Variants in VPS52 observed in about 807,000 individuals in gnomAD.
VPS52 encodes the protein VPS52 subunit of GARP complex, also known as vacuolar protein sorting-associated protein 52 homolog.
In VPS52, 56 loss-of-function variants were observed where a neutral mutation model predicts 98.7. The observed-to-expected ratio is 0.57, with a 90% confidence interval of 0.46 to 0.71. The LOEUF (loss-of-function observed/expected upper bound fraction) is 0.71. Among genes scored for constraint, VPS52 ranks in the 30% least tolerant of loss-of-function variants. The pLI is 0.00. For missense variants in VPS52, 742 were observed against 925.9 expected (o/e 0.80, Z 2.58); for synonymous variants, 348 against 346.4 (o/e 1.00, Z -0.05).
intron 17 of VPS52, among the ~76,000 whole-genome samples, chr6:33,260,900 T>C (rs1763549577): frequency 6.6e-6 from 1 of 151,888 alleles, no homozygotes; most frequent in Non-Finnish European, 1.5e-5. Context: ...ACTCAGAGGC[T>C]GAGGCAGGAG....
intron 17 of VPS52, among the ~76,000 whole-genome samples, chr6:33,261,426 C>T (rs1299007327): frequency 6.6e-6 from 1 of 150,876 alleles, no homozygotes; most frequent in East Asian, 1.9e-4. Flanking sequence ...AATACTGCAC[C>T]ACTGCACTCC....
Position 33,266,577 on chromosome 6 carries a change from G to C in VPS52, c.1261C>G (p.Arg421Gly), listed in dbSNP as rs77410165. 6.2e-7 allele frequency: 1 copy of C among 1,610,484 alleles called. No individual in the cohort carries two copies. Among genetic ancestry groups the C allele is most frequent in the Non-Finnish European group, 8.5e-7 (1 of 1,178,616 alleles). Residue 421 changes from arginine (R) to glycine (G), a missense_variant, in exon 12 of 20, where the codon CGT becomes GGT. Physicochemically the swap from Arg to Gly is moderately radical, Grantham distance 125 (BLOSUM62 -2). Transcript: ENST00000445902. The stretch of plus-strand genomic sequence containing the variant: ...CTTACCAGGGTCATGCTGAGTGTAC[G>C]GCCCATGACAGCATGGAACAGGTCG... Reference protein sequence around the residue: ...AHDLFHAVMGRTLSMTLKHLD... With the variant: ...AHDLFHAVMGGTLSMTLKHLD...
rs185306158 is a variant in VPS52 at position 33,269,256 on chromosome 6, C to G, written c.373-67G>C. On this transcript the variant is annotated intron_variant, in intron 5 of 19. Coordinates refer to ENST00000445902, the MANE Select transcript of VPS52 (RefSeq NM_022553.6). ...TAGGGGATAAGTGGGCCACCAAAGA[C>G]TCTTTGTGAAGTCTTCAGTATTTAT... is the stretch of plus-strand genomic sequence containing the variant. 735 of 1,591,148 alleles carry G rather than the reference C, an allele frequency of 4.6e-4. 4 individuals are homozygous for G. The African/African-American group carries it at 7.8e-3, about 17-fold the overall frequency.
At chr6:33,266,087 C>T (rs1764269157) in intron 12 of VPS52, among the ~76,000 whole-genome samples, 1 of 151,672 alleles carries the variant, frequency 6.6e-6, no homozygotes, top group Non-Finnish European at 1.5e-5. Flanking sequence ...GTCTCAAACT[C>T]CTGACCTTGT....
intron 12 of VPS52, among the ~76,000 whole-genome samples, chr6:33,266,214 C>T (rs1764292471): frequency 1.4e-5 from 2 of 146,388 alleles, no homozygotes; most frequent in Non-Finnish European, 3.0e-5. Context: ...GCATGGCTCA[C>T]TGCAGCCTTG....
At chr6:33,257,595 T>C (rs992933681) in intron 17 of VPS52, among the ~76,000 whole-genome samples, 15 of 151,872 alleles carry the variant, frequency 9.9e-5, no homozygotes, top group Non-Finnish European at 1.8e-4. Flanking sequence ...GAGACGAGGT[T>C]TCACCATGTT....
chr6:33,260,360 T>C (rs1763482855), intron 17 of VPS52, among the ~76,000 whole-genome samples: 1 of 152,084 alleles, frequency 6.6e-6, no homozygotes, highest in African/African-American at 2.4e-5. Context: ...CTGGCTTTTT[T>C]TTTTTTCTTT....
intron 19 of VPS52, 41 bp downstream of exon 19, chr6:33,251,474 TTAA>T (rs1377757372): frequency 1.8e-5 from 24 of 1,307,882 alleles, no homozygotes; most frequent in Non-Finnish European, 2.6e-5. Context: ...GGGAAAATAA[TTAA>T]TGATGGGGGA....
intron 17 of VPS52, among the ~76,000 whole-genome samples, chr6:33,260,670 C>A (rs1763523039): frequency 6.6e-6 from 1 of 151,750 alleles, no homozygotes; most frequent in African/African-American, 2.4e-5. Flanking sequence ...TATATATATG[C>A]CAAAACAAAA....
chr6:33,252,495 A>C (rs1762390373), intron 17 of VPS52, among the ~76,000 whole-genome samples: 1 of 151,580 alleles, frequency 6.6e-6, no homozygotes, highest in Non-Finnish European at 1.5e-5. Context: ...AGACTGAGGC[A>C]AGAGAATCAC....
chr6:33,268,526 T>C lies in VPS52; in HGVS notation c.672A>G (p.Arg224=), dbSNP rs947163037. ...TGACCCGGAGCCGATCGAGCACGCC[T>C]CTGACATCTGCGCAGGCTGCTGTGC... The part of the protein sequence containing the change: ...ARGTAACADV[R]GVLDRLRVKA... The change falls in exon 7 of 20, where the codon AGA becomes AGG. Residue 224 remains arginine (R), a synonymous_variant. Coordinates refer to ENST00000445902, the MANE Select transcript of VPS52 (RefSeq NM_022553.6). The surrounding 1 kb of genome is among the most constrained non-coding windows in gnomAD (Gnocchi z 4.0). 6.8e-6 allele frequency: 11 copies of C among 1,611,806 alleles called. No individual in the cohort carries two copies. Among genetic ancestry groups the C allele is most frequent in the Non-Finnish European group, 8.5e-6 (10 of 1,179,234 alleles).
At chr6:33,251,714 C>T in intron 18 of VPS52, 78 bp from the exon 19 acceptor site, 4 of 1,396,098 alleles carry the variant, frequency 2.9e-6, no homozygotes, top group Non-Finnish European at 3.0e-6. Flanking sequence ...AAGGTATAGC[C>T]ATCCTTATCA....
Position 33,269,547 on chromosome 6 carries a change from C to G in VPS52, c.315G>C (p.Glu105Asp). Reference protein sequence around the residue: ...EQKSIRDYIQESENIASLHNQ... With the variant: ...EQKSIRDYIQDSENIASLHNQ... ...TGTGTAGAGATGCTATATTCTCACTCTCTTGAATATCTGATCCACAAAAAG... is the reference window on the plus strand; with the variant it reads ...TGTGTAGAGATGCTATATTCTCACTGTCTTGAATATCTGATCCACAAAAAG... The change falls in exon 5 of 20, where the codon GAG becomes GAC. Residue 105 changes from glutamate to aspartate, a missense_variant. This residue lies in a region of VPS52 where 152 missense variants were observed against 132.6 expected (regional missense o/e 1.15). Coordinates refer to ENST00000445902, the MANE Select transcript of VPS52 (RefSeq NM_022553.6). 3.7e-6 allele frequency: 6 copies of G among 1,610,118 alleles called. No individual in the cohort carries two copies. The highest frequency in any genetic ancestry group is 1.7e-5 in the Admixed American group (1 of 59,162).
In VPS52 at chr6:33,268,573, C is replaced by T. The variant is rs1160686925; in HGVS notation, c.625G>A (p.Val209Ile). 6.2e-7 allele frequency: 1 copy of T among 1,612,488 alleles called. No individual in the cohort carries two copies. ...GTGCCTCTAGCTTCCTGCTCTCTGA[C>T]TGCGGCTGCCTTGGCATCCAGCTCC... ...LQELDAKAAA[V>I]REQEARGTAA... The change falls in exon 7 of 20, where the codon GTC (valine) becomes ATC (isoleucine). Residue 209 changes from valine to isoleucine, a missense_variant. Coordinates refer to ENST00000445902, the MANE Select transcript of VPS52 (RefSeq NM_022553.6). The surrounding 1 kb of genome is among the most constrained non-coding windows in gnomAD (Gnocchi z 4.0).
chr6:33,270,183 C>T lies in VPS52; in HGVS notation c.175+16G>A, dbSNP rs1764833778. ...TCAGATTACAGGTACTGCACCCACC[C>T]CATGCCATCGCTTACCATCCACTTC... On this transcript the variant is annotated intron_variant, in intron 2 of 19. Coordinates refer to ENST00000445902, the MANE Select transcript of VPS52 (RefSeq NM_022553.6). 6.2e-7 allele frequency: 1 copy of T among 1,612,260 alleles called. No homozygotes were observed. Among genetic ancestry groups the T allele is most frequent in the East Asian group, 2.2e-5 (1 of 44,814 alleles).
chr6:33,260,106 G>A (rs1450317660), intron 17 of VPS52, among the ~76,000 whole-genome samples: 2 of 152,184 alleles, frequency 1.3e-5, no homozygotes, highest in Admixed American at 6.5e-5. Flanking sequence ...GCAGTGAAAA[G>A]GAATGAGCTA....
chr6:33,263,414 C>CACACACACACATACACAG, intron 17 of VPS52, 70 bp downstream of exon 17: 1 of 968,814 alleles, frequency 1.0e-6, no homozygotes, highest in Non-Finnish European at 1.5e-6. Context: ...CACACACACA[C>CACACACACACATACACAG]AGAGAGAGAG....
rs1476210190 is a variant in VPS52, at chr6:33,263,465, C to T, written c.1794+19G>A. The T allele has an allele frequency of 6.2e-7, 1 of 1,611,822 alleles. No homozygotes were observed. On this transcript the variant is annotated intron_variant, in intron 17 of 19. Coordinates refer to ENST00000445902, the MANE Select transcript of VPS52 (RefSeq NM_022553.6). ...AACAGCACAGAAGGCTGTCTCTTCC[C>T]TTTTCCCCACACCCCTACCTGTGTC...
In VPS52 at chr6:33,268,946, A is replaced by C. The variant is rs1764665154; in HGVS notation, c.548+68T>G. 1.9e-6 allele frequency: 3 copies of C among 1,572,670 alleles called. No homozygotes were observed. The highest frequency in any genetic ancestry group is 2.6e-6 in the Non-Finnish European group (3 of 1,157,796). On this transcript the variant is annotated intron_variant, in intron 6 of 19. Coordinates refer to ENST00000445902, the MANE Select transcript of VPS52 (RefSeq NM_022553.6). The surrounding 1 kb of genome is among the most constrained non-coding windows in gnomAD (Gnocchi z 4.0). ...CTGGAGCCAGGAGACCCATATGGTAAATAGGGTGGGTCACCCCAGCCCATC... is the reference window on the plus strand; with the variant it reads ...CTGGAGCCAGGAGACCCATATGGTACATAGGGTGGGTCACCCCAGCCCATC...
Sources: allele counts gnomAD v4.1 joint callset (sites outside exome capture counted in the v4.1 genomes callset), GRCh38; gene constraint gnomAD v4.1.1; regional missense constraint gnomAD v4.1.1; non-coding constraint Gnocchi (gnomAD v3.1); transcripts MANE v1.5; gene names NCBI Gene and HGNC (gene_info 2026-07-23, HGNC 2026-07-21).